Variants in CCSER1 observed in about 807,000 individuals in gnomAD.
CCSER1 encodes the protein serine-rich coiled-coil domain-containing protein 1.
CCSER1 carries 41 observed loss-of-function variants against 82.0 expected under a neutral mutation model. The observed-to-expected ratio is 0.50, with a 90% CI of 0.39 to 0.65. CCSER1 has a LOEUF of 0.65. CCSER1 is among the 30% of genes least tolerant of loss of function. The probability of loss-of-function intolerance (pLI) is 0.00; values close to 1 mark genes in which losing one functional copy is unlikely to be tolerated. For missense variants in CCSER1, 1,119 were observed against 1,064.2 expected (o/e 1.05, Z -0.72); for synonymous variants, 414 against 383.9 (o/e 1.08, Z -0.92).
At chr4:91,105,352 T>C (rs902298927) in intron 10 of CCSER1, among the ~76,000 whole-genome samples, 3 of 152,038 alleles carry the variant, frequency 2.0e-5, no homozygotes, top group Non-Finnish European at 4.4e-5. Flanking sequence ...CTTCTTGTTC[T>C]CTTCAATAAC....
At chr4:90,176,634 C>T (rs1732738867) in intron 1 of CCSER1, among the ~76,000 whole-genome samples, 1 of 151,828 alleles carries the variant, frequency 6.6e-6, no homozygotes, top group South Asian at 2.1e-4. Flanking sequence ...ACTTTTGGAC[C>T]ACCTGTCGAT....
intron 3 of CCSER1, among the ~76,000 whole-genome samples, chr4:90,379,905 C>G (rs1325669664): frequency 1.3e-5 from 2 of 152,014 alleles, no homozygotes; most frequent in African/African-American, 4.8e-5. Context: ...AAAGGGGGAA[C>G]AAGATGTCTC....
chr4:90,448,205 A>C (rs1560532412), intron 4 of CCSER1, among the ~76,000 whole-genome samples: 1 of 151,914 alleles, frequency 6.6e-6, no homozygotes, highest in African/African-American at 2.4e-5. Flanking sequence ...TTATTTAAAT[A>C]AAATAGGCCT....
intron 10 of CCSER1, among the ~76,000 whole-genome samples, chr4:91,246,681 C>T (rs1012567987): frequency 6.6e-6 from 1 of 152,044 alleles, no homozygotes; most frequent in African/African-American, 2.4e-5. Flanking sequence ...AAATGTGGTA[C>T]ATATACAAAA....
chr4:91,288,602 G>A (rs572649753), intron 10 of CCSER1, among the ~76,000 whole-genome samples: 1 of 151,902 alleles, frequency 6.6e-6, no homozygotes, highest in East Asian at 1.9e-4. Flanking sequence ...TTGTGCTAAA[G>A]GCTTGAAGAA....
At chr4:91,456,447 G>A (rs1445606090) in intron 10 of CCSER1, among the ~76,000 whole-genome samples, 15 of 152,014 alleles carry the variant, frequency 9.9e-5, no homozygotes, top group Non-Finnish European at 4.4e-5. Flanking sequence ...AGGAGAAATG[G>A]CTAGAGTGAT....
intron 4 of CCSER1, among the ~76,000 whole-genome samples, chr4:90,464,953 T>C (rs1763418818): frequency 6.6e-6 from 1 of 152,254 alleles, no homozygotes; most frequent in South Asian, 2.1e-4. Flanking sequence ...TTGATTCAAA[T>C]GTCACATCAG....
intron 7 of CCSER1, among the ~76,000 whole-genome samples, chr4:90,739,988 C>T (rs1280688324): frequency 1.3e-5 from 2 of 152,036 alleles, no homozygotes; most frequent in Non-Finnish European, 2.9e-5. Flanking sequence ...GACAGTTGTT[C>T]AATTTGTTGT....
At chr4:90,686,497 G>T (rs1441848601) in intron 6 of CCSER1, among the ~76,000 whole-genome samples, 1 of 151,662 alleles carries the variant, frequency 6.6e-6, no homozygotes, top group African/African-American at 2.4e-5. Flanking sequence ...AGAAAATTTG[G>T]CTTTTCCAGT....
chr4:91,035,525 A>G (rs998294952), intron 9 of CCSER1, among the ~76,000 whole-genome samples: 3 of 152,176 alleles, frequency 2.0e-5, no homozygotes, highest in Non-Finnish European at 4.4e-5. Flanking sequence ...ATTATCGCGG[A>G]AATCTCTGTG....
At chr4:91,287,140 G>GT (rs1036765642) in intron 10 of CCSER1, among the ~76,000 whole-genome samples, 1 of 151,772 alleles carries the variant, frequency 6.6e-6, no homozygotes, top group Admixed American at 6.6e-5. Context: ...TTCCAGTCAA[G>GT]TTTTTTTCCT....
chr4:91,150,493 C>G (rs987137710), intron 10 of CCSER1, among the ~76,000 whole-genome samples: 1 of 152,156 alleles, frequency 6.6e-6, no homozygotes, highest in Non-Finnish European at 1.5e-5. Flanking sequence ...CCTGATTGCC[C>G]TGGCTAGAAC....
intron 10 of CCSER1, among the ~76,000 whole-genome samples, chr4:91,284,934 A>G (rs1233432700): frequency 2.0e-5 from 3 of 152,002 alleles, no homozygotes; most frequent in Non-Finnish European, 4.4e-5. Flanking sequence ...TGCCCCAACA[A>G]TGAACAAAAA....
intron 3 of CCSER1, among the ~76,000 whole-genome samples, chr4:90,363,107 G>T (rs1451535301): frequency 1.3e-5 from 2 of 152,000 alleles, no homozygotes; most frequent in Non-Finnish European, 2.9e-5. Flanking sequence ...GCTTACCTAA[G>T]ATTATACAGT....
At chr4:91,525,445 T>C (rs1760722089) in intron 10 of CCSER1, among the ~76,000 whole-genome samples, 1 of 152,218 alleles carries the variant, frequency 6.6e-6, no homozygotes, top group African/African-American at 2.4e-5. Context: ...CTGATTGATG[T>C]CTACACTGGT....
At position 91,594,346 on chromosome 4, in the gene CCSER1, C is replaced by CAT. The variant is rs575842502; in HGVS notation, c.2218-4218_2218-4217dup. Among the ~76,000 whole-genome samples, 281 of 144,102 alleles carry CAT rather than the reference C, an allele frequency of 2.0e-3. 1 individual carries two copies. The highest frequency in any genetic ancestry group is 2.9e-3 in the Non-Finnish European group (192 of 65,932). The allele number at this position is 144,102 out of a possible 152,430, so 94.5% of individuals were successfully genotyped here. ...ACATATATGTACACACATATATATA[C>CAT]ATATATATACACATATATATACACA... is the stretch of plus-strand genomic sequence containing the variant. On this transcript the variant is annotated intron_variant, in intron 10 of 10. Coordinates refer to ENST00000509176, the MANE Select transcript of CCSER1 (RefSeq NM_001145065.2).
intron 10 of CCSER1, among the ~76,000 whole-genome samples, chr4:91,576,389 G>C (rs973917860): frequency 1.1e-4 from 17 of 151,994 alleles, no homozygotes; most frequent in Admixed American, 3.9e-4. Flanking sequence ...TGGTTACCAG[G>C]GACTTGCATT....
intron 10 of CCSER1, among the ~76,000 whole-genome samples, chr4:91,311,287 T>G (rs545516691): frequency 9.2e-4 from 140 of 152,086 alleles, no homozygotes; most frequent in Middle Eastern, 6.8e-3. Flanking sequence ...GTCTGCAAAC[T>G]TAGGTATCAA....
intron 10 of CCSER1, among the ~76,000 whole-genome samples, chr4:91,433,182 G>C (rs1422137753): frequency 6.6e-6 from 1 of 152,146 alleles, no homozygotes; most frequent in East Asian, 1.9e-4. Flanking sequence ...TAAGCTCCGT[G>C]AGATTTAGAA....
Sources: gnomAD v4.1 joint callset for allele counts (sites outside exome capture counted in the v4.1 genomes callset) on GRCh38, gnomAD v4.1.1 for gene constraint, MANE v1.5 for transcripts, NCBI Gene and HGNC (gene_info 2026-07-23, HGNC 2026-07-21) for gene names.